Variants in SLC25A48 observed in about 807,000 individuals in gnomAD.
SLC25A48 encodes the protein CTC-321K16.1.
Under a neutral mutation model 32.2 loss-of-function variants are expected in SLC25A48, and 29 were observed. The observed-to-expected ratio is 0.90, with a 90% CI of 0.67 to 1.23. The LOEUF is 1.23. Among genes scored for constraint, SLC25A48 ranks in the 50% most tolerant of loss-of-function variants. SLC25A48 has a pLI of 0.00. For synonymous variants in SLC25A48, 164 were observed against 172.3 expected, an observed-to-expected ratio of 0.95 and a Z score of 0.38; for missense variants, 399 against 422.7, an observed-to-expected ratio of 0.94 and a Z score of 0.49.
intron 3 of SLC25A48, among the ~76,000 whole-genome samples, chr5:135,806,521 A>G (rs1355226131): frequency 4.0e-5 from 6 of 151,346 alleles, no homozygotes; most frequent in Non-Finnish European, 7.4e-5. Flanking sequence ...TTAACACTGG[A>G]TATCATAAAT....
chr5:135,761,884 A>T (rs960029162), intron 3 of SLC25A48, among the ~76,000 whole-genome samples: 5 of 152,130 alleles, frequency 3.3e-5, no homozygotes, highest in African/African-American at 9.7e-5. Flanking sequence ...GCCAAGGTTG[A>T]TGGGCCATTT....
intron 4 of SLC25A48, among the ~76,000 whole-genome samples, chr5:135,820,493 G>A (rs1372806470): frequency 6.6e-6 from 1 of 152,062 alleles, no homozygotes; most frequent in Non-Finnish European, 1.5e-5. Context: ...CACACTTTAC[G>A]GTGTATATAA....
intron 1 of SLC25A48, among the ~76,000 whole-genome samples, chr5:135,586,598 C>T (rs1163350418): frequency 1.3e-5 from 2 of 152,180 alleles, no homozygotes; most frequent in African/African-American, 4.8e-5. Flanking sequence ...CACTGCTAAG[C>T]TCTCATAGGG....
intron 3 of SLC25A48, among the ~76,000 whole-genome samples, chr5:135,664,592 C>T (rs1213960975): frequency 2.0e-5 from 3 of 152,128 alleles, no homozygotes; most frequent in African/African-American, 4.8e-5. Context: ...CCCCAACTTC[C>T]CCCTAAGTCT....
intron 7 of SLC25A48, among the ~76,000 whole-genome samples, chr5:135,883,924 C>A (rs1398451447): frequency 1.3e-5 from 2 of 152,158 alleles, no homozygotes; most frequent in Admixed American, 1.3e-4. Flanking sequence ...TGGCTTGTGT[C>A]CCTGCAGCCT....
intron 2 of SLC25A48, among the ~76,000 whole-genome samples, chr5:135,632,687 T>C (rs1335509599): frequency 6.6e-6 from 1 of 152,222 alleles, no homozygotes; most frequent in Non-Finnish European, 1.5e-5. Context: ...TTTTAAATCA[T>C]CATTTCCCAG....
chr5:135,644,392 A>C (rs921644640), intron 3 of SLC25A48, among the ~76,000 whole-genome samples: 1 of 152,126 alleles, frequency 6.6e-6, no homozygotes, highest in Non-Finnish European at 1.5e-5. Flanking sequence ...TTGGGGCAGT[A>C]ATGTTTCTGA....
intron 3 of SLC25A48, among the ~76,000 whole-genome samples, chr5:135,654,813 T>A (rs1753204260): frequency 1.3e-5 from 2 of 152,242 alleles, no homozygotes; most frequent in Admixed American, 1.3e-4. Context: ...AGTCTGCCTG[T>A]GGCCTGCAGC....
At chr5:135,594,136 A>G (rs2126878489) in intron 1 of SLC25A48, among the ~76,000 whole-genome samples, 1 of 152,384 alleles carries the variant, frequency 6.6e-6, no homozygotes, top group East Asian at 1.9e-4. Flanking sequence ...TTAGTGGTCA[A>G]GGAGTCAGAG....
upstream of SLC25A48, among the ~76,000 whole-genome samples, chr5:135,834,219 G>C (rs17169210): frequency 0.26 from 38,908 of 152,154 alleles, 5,802 homozygotes; most frequent in African/African-American, 0.41. Flanking sequence ...ACAGTGTAGG[G>C]TGAGCCAGGG....
chr5:135,820,168 T>C (rs1757845711), intron 4 of SLC25A48, among the ~76,000 whole-genome samples: 1 of 152,186 alleles, frequency 6.6e-6, no homozygotes, highest in Non-Finnish European at 1.5e-5. Context: ...CTAGACTGTA[T>C]ACACAGAAGG....
chr5:135,779,556 C>T lies in SLC25A48; in HGVS notation c.-520-32967C>T, dbSNP rs1375919883. Among the ~76,000 whole-genome samples, 11 of 59,104 alleles carry T rather than the reference C, an allele frequency of 1.9e-4. 3 individuals carry two copies. The highest frequency in any genetic ancestry group is 5.5e-4 in the Non-Finnish European group (9 of 16,224). 38.8% of individuals were successfully genotyped at this position (59,104 alleles called of 152,430 possible). A position where few individuals can be genotyped will look rare whatever the true frequency, so the allele number is the denominator to read the frequency against. On this transcript the variant is annotated intron_variant, in intron 3 of 10. Transcript: ENST00000646290. ...TGTGATATTGTTTCTAACATTCAGGCGGGGAGAGGATGATATGACTCCAAG... is the reference window on the plus strand; with the variant it reads ...TGTGATATTGTTTCTAACATTCAGGTGGGGAGAGGATGATATGACTCCAAG...
At chr5:135,582,487 A>T (rs938681372) in intron 1 of SLC25A48, among the ~76,000 whole-genome samples, 3 of 152,118 alleles carry the variant, frequency 2.0e-5, no homozygotes, top group African/African-American at 7.2e-5. Context: ...ATTGAGTTAG[A>T]TATGAAGGAT....
intron 3 of SLC25A48, chr5:135,653,826 C>A (rs1242342717): frequency 6.6e-6 from 3 of 456,142 alleles, no homozygotes; most frequent in Non-Finnish European, 1.3e-5. Flanking sequence ...GCGGGTATTT[C>A]CTTATGGGAT....
chr5:135,625,343 A>C (rs1752419902), intron 1 of SLC25A48, among the ~76,000 whole-genome samples: 1 of 152,122 alleles, frequency 6.6e-6, no homozygotes, highest in Non-Finnish European at 1.5e-5. Context: ...GATGAGGGGC[A>C]TGAAGTGGAG....
intron 7 of SLC25A48, among the ~76,000 whole-genome samples, chr5:135,880,437 CA>C (rs1015296170): frequency 6.6e-6 from 1 of 152,104 alleles, no homozygotes; most frequent in African/African-American, 2.4e-5. Flanking sequence ...CCCAGGCTCA[CA>C]AGTGAGGACT....
chr5:135,691,602 A>G (rs1253673366), intron 3 of SLC25A48, among the ~76,000 whole-genome samples: 1 of 152,200 alleles, frequency 6.6e-6, no homozygotes, highest in Non-Finnish European at 1.5e-5. Flanking sequence ...TCCATACTAT[A>G]ACTAGAAGAG....
chr5:135,798,504 G>A (rs1429497748), intron 3 of SLC25A48, among the ~76,000 whole-genome samples: 7 of 151,148 alleles, frequency 4.6e-5, no homozygotes, highest in Admixed American at 6.6e-5. Context: ...ACTAATAACC[G>A]GGGGGGAGAG....
intron 1 of SLC25A48, among the ~76,000 whole-genome samples, chr5:135,590,658 A>G (rs991955616): frequency 6.6e-5 from 10 of 152,120 alleles, no homozygotes; most frequent in African/African-American, 2.4e-4. Flanking sequence ...GAACGTTTCC[A>G]GGGCTGCTGC....
Sources: gnomAD v4.1 joint callset for allele counts (sites outside exome capture counted in the v4.1 genomes callset) on GRCh38, gnomAD v4.1.1 for gene constraint, MANE v1.5 for transcripts, NCBI Gene and HGNC (gene_info 2026-07-23, HGNC 2026-07-21) for gene names.